The following LCAT variants were observed in gnomAD, a reference collection of about 807,000 sequenced individuals.
LCAT encodes phosphatidylcholine-sterol acyltransferase.
In LCAT, 15 loss-of-function variants were observed where a neutral mutation model predicts 41.0. That is an observed-to-expected ratio of 0.37 (90% CI 0.24 to 0.56). The LOEUF (loss-of-function observed/expected upper bound fraction) is 0.56. LCAT is among the 20% of genes least tolerant of loss of function. The pLI is 0.81. For missense variants in LCAT, 449 were observed against 595.1 expected (o/e 0.75, Z 2.55); for synonymous variants, 248 against 245.4 (o/e 1.01, Z -0.10).
chr16:67,940,646 C>T (rs1191129093), intron 5 of LCAT, 168 bp from the exon 6 acceptor site: 15 of 1,180,930 alleles, frequency 1.3e-5, no homozygotes, highest in Admixed American at 7.8e-5. Flanking sequence ...TGCTCAGTGT[C>T]AGCTTACTCA....
Position 67,942,722 on chromosome 16 carries a change from C to T in LCAT, c.472G>A (p.Val158Met), listed in dbSNP as rs761032474. ...GCGGCGCGCACAGTCTCGTCCCGCA[C>T]GTAGCCATTGTTGACCAGGTTCTGC... is the stretch of plus-strand genomic sequence containing the variant. ...LVQNLVNNGY[V>M]RDETVRAAPY... The change falls in exon 4 of 6, where the codon GTG becomes ATG. Residue 158 changes from valine to methionine, a missense_variant. By Grantham distance (21) the Val-to-Met change is conservative. Transcript: ENST00000264005. This position sits in a 1 kb window ranked among gnomAD's most constrained non-coding sequence, Gnocchi z 6.6. 65 of 1,612,740 alleles carry T rather than the reference C, an allele frequency of 4.0e-5. No homozygotes were observed. The Admixed American group carries it at 7.2e-4, about 18-fold the overall frequency.
Position 67,943,807 on chromosome 16 carries a change from G to T in LCAT, c.154+141C>A. On this transcript the variant is annotated intron_variant, in intron 1 of 5. Coordinates refer to ENST00000264005, the MANE Select transcript of LCAT (RefSeq NM_000229.2). This position sits in a 1 kb window ranked among gnomAD's most constrained non-coding sequence, Gnocchi z 4.6. ...TCATTCCTCTAAGGGACAAGCTTTT[G>T]GCCCCTCCCCACACCAGGGCAGGTA... 1.3e-6 allele frequency: 1 copy of T among 759,692 alleles called. No homozygotes were observed. Among genetic ancestry groups the T allele is most frequent in the Non-Finnish European group, 2.1e-6 (1 of 476,974 alleles). The allele number at this position is 759,692 out of a possible 1,614,324, so 47.1% of individuals were successfully genotyped here. A position where few individuals can be genotyped will look rare whatever the true frequency, so the allele number is the denominator to read the frequency against.
chr16:67,941,974 C>T (rs1303540993), intron 5 of LCAT: 11 of 1,193,380 alleles, frequency 9.2e-6, no homozygotes, highest in Non-Finnish European at 1.2e-5. Flanking sequence ...CAGGTGGGGC[C>T]TCGGGGGGTC....
chr16:67,942,620 G>C lies in LCAT; in HGVS notation c.524-33C>G. 1.9e-6 allele frequency: 3 copies of C among 1,612,650 alleles called. No homozygotes were observed. The highest frequency in any genetic ancestry group is 2.5e-6 in the Non-Finnish European group (3 of 1,179,672). On this transcript the variant is annotated intron_variant, in intron 4 of 5. Coordinates refer to ENST00000264005, the MANE Select transcript of LCAT (RefSeq NM_000229.2). The surrounding 1 kb of genome is among the most constrained non-coding windows in gnomAD (Gnocchi z 6.6). Reference sequence around the variant, plus strand: ...GGGTGGAAGGGGTCAGGGCAGCTGGGGTCTGGGGCACCTGCCCCACCCCAA... The same window carrying C: ...GGGTGGAAGGGGTCAGGGCAGCTGGCGTCTGGGGCACCTGCCCCACCCCAA...
chr16:67,939,791 G>T lies in LCAT; in HGVS notation c.*113C>A. The stretch of plus-strand genomic sequence containing the variant: ...TCAGCAGAGCCCATCTTGCCTCACT[G>T]CACACAGCACTGAGCCTGTGGCTGG... On this transcript the variant is annotated 3_prime_UTR_variant, in exon 6 of 6. Coordinates refer to ENST00000264005, the MANE Select transcript of LCAT (RefSeq NM_000229.2). The T allele has an allele frequency of 6.6e-7, 1 of 1,526,630 alleles. No homozygotes were observed. Among genetic ancestry groups the T allele is most frequent in the Non-Finnish European group, 8.8e-7 (1 of 1,131,978 alleles). The allele number at this position is 1,526,630 out of a possible 1,614,324, so 94.6% of individuals were successfully genotyped here.
chr16:67,940,943 T>C (rs1453543688), intron 5 of LCAT: 1 of 190,106 alleles, frequency 5.3e-6, no homozygotes, highest in African/African-American at 2.4e-5. Flanking sequence ...AATTTGAGGT[T>C]ACAGTAAACT....
chr16:67,942,257 G>T lies in LCAT; in HGVS notation c.748+106C>A. 1 of 1,342,260 alleles carries T rather than the reference G, an allele frequency of 7.5e-7. No homozygotes were observed. The highest frequency in any genetic ancestry group is 1.0e-6 in the Non-Finnish European group (1 of 956,180). 83.1% of individuals were successfully genotyped at this position (1,342,260 alleles called of 1,614,324 possible). ...CAAGCATGCCAGCCCAGGAGTGGTA[G>T]ATAGCACCCCTAGAGGCCACTGTGA... is the stretch of plus-strand genomic sequence containing the variant. On this transcript the variant is annotated intron_variant, in intron 5 of 5. Transcript: ENST00000264005. The surrounding 1 kb of genome is among the most constrained non-coding windows in gnomAD (Gnocchi z 6.6).
In LCAT at chr16:67,943,423, G is replaced by A. The variant is rs1790107181; in HGVS notation, c.155-211C>T. 5.0e-6 allele frequency: 3 copies of A among 603,620 alleles called. No homozygotes were observed. The highest frequency in any genetic ancestry group is 2.5e-5 in the Admixed American group (1 of 40,512). 37.4% of individuals were successfully genotyped at this position (603,620 alleles called of 1,614,324 possible). A position where few individuals can be genotyped will look rare whatever the true frequency, so the allele number is the denominator to read the frequency against. ...CAGGCTTCCCTGAGGAAGGGAAGGC[G>A]CTGAGGTGCTGAGGCCAAGGCCGCT... On this transcript the variant is annotated intron_variant, in intron 1 of 5. Transcript: ENST00000264005. The surrounding 1 kb of genome is among the most constrained non-coding windows in gnomAD (Gnocchi z 4.6).
rs1164956781 is a variant in LCAT, at chr16:67,940,119, C to T, written c.1108G>A (p.Asp370Asn). Residue 370 changes from aspartate to asparagine, a missense_variant, in exon 6 of 6, where the codon GAC becomes AAC. By Grantham distance (23) the Asp-to-Asn change is conservative. Transcript: ENST00000264005. ...TCGGTGCTGCGGGTCGCCACCGTGTCATCACCATCCTCATAGAGCACACCC... is the reference window on the plus strand; with the variant it reads ...TCGGTGCTGCGGGTCGCCACCGTGTTATCACCATCCTCATAGAGCACACCC... ...PVGVLYEDGDDTVATRSTELC... is the reference protein window; with the variant it reads ...PVGVLYEDGDNTVATRSTELC... The T allele has an allele frequency of 3.7e-6, 6 of 1,613,434 alleles. No homozygotes were observed. The South Asian group carries it at 6.6e-5, about 18-fold the overall frequency.
Position 67,940,195 on chromosome 16 carries a change from GGGCAGGCCCAC to G in LCAT, c.1021_1031del (p.Val341HisfsTer22). 6.2e-7 allele frequency: 1 copy of G among 1,612,610 alleles called. No homozygotes were observed. The highest frequency in any genetic ancestry group is 8.5e-7 in the Non-Finnish European group (1 of 1,179,870). ...GGTCGTAGATGTAGGTGCGGGGCGT[GGGCAGGCCCAC>G]GCCGTAAAGACAGTATACTTCCACA... On this transcript the variant is annotated frameshift_variant, in exon 6 of 6. Coordinates refer to ENST00000264005, the MANE Select transcript of LCAT (RefSeq NM_000229.2). LOFTEE classifies it high-confidence loss of function.
rs903983937 is a variant in LCAT at position 67,942,027 on chromosome 16, C to T, written c.748+336G>A. 2 of 1,237,136 alleles carry T rather than the reference C, an allele frequency of 1.6e-6. No individual in the cohort carries two copies. Among genetic ancestry groups the T allele is most frequent in the African/African-American group, 1.6e-5 (1 of 64,376 alleles). The allele number at this position is 1,237,136 out of a possible 1,614,324, so 76.6% of individuals were successfully genotyped here. On this transcript the variant is annotated intron_variant, in intron 5 of 5. Transcript: ENST00000264005. This position sits in a 1 kb window ranked among gnomAD's most constrained non-coding sequence, Gnocchi z 6.6. ...GATCCATCCTCAGTGAAGCACATCC[C>T]TGGGCAAAGGCACTCCTGCGAGCAA...
At position 67,942,305 on chromosome 16, in the gene LCAT, G is replaced by T; in HGVS notation, c.748+58C>A. 2 of 1,561,360 alleles carry T rather than the reference G, an allele frequency of 1.3e-6. No individual in the cohort carries two copies. Among genetic ancestry groups the T allele is most frequent in the African/African-American group, 1.4e-5 (1 of 74,056 alleles). On this transcript the variant is annotated intron_variant, in intron 5 of 5. Transcript: ENST00000264005. The surrounding 1 kb of genome is among the most constrained non-coding windows in gnomAD (Gnocchi z 6.6). ...TGAGCAGGAGCCGCAATGAAGGCAG[G>T]CCCAGGATCAGCTTGGTCTCACCCA...
In LCAT at chr16:67,943,796, G is replaced by T; in HGVS notation, c.154+152C>A. On this transcript the variant is annotated intron_variant, in intron 1 of 5. Coordinates refer to ENST00000264005, the MANE Select transcript of LCAT (RefSeq NM_000229.2). The surrounding 1 kb of genome is among the most constrained non-coding windows in gnomAD (Gnocchi z 4.6). Reference sequence around the variant, plus strand: ...GAGAAGGGACGTCATTCCTCTAAGGGACAAGCTTTTGGCCCCTCCCCACAC... The same window carrying T: ...GAGAAGGGACGTCATTCCTCTAAGGTACAAGCTTTTGGCCCCTCCCCACAC... The T allele has an allele frequency of 1.4e-6, 1 of 711,676 alleles. No homozygotes were observed. Among genetic ancestry groups the T allele is most frequent in the South Asian group, 2.0e-5 (1 of 49,038 alleles). 44.1% of individuals were successfully genotyped at this position (711,676 alleles called of 1,614,324 possible).
chr16:67,942,585 G>A lies in LCAT; in HGVS notation c.526C>T (p.Gln176Ter). The A allele has an allele frequency of 6.2e-7, 1 of 1,613,278 alleles. No individual in the cohort carries two copies. The highest frequency in any genetic ancestry group is 1.1e-5 in the South Asian group (1 of 91,088). ...AGCTTGCGGTAGTACTCCTCCTGCTGGCCTGCAGCGGGTGGAAGGGGTCAG... is the reference window on the plus strand; with the variant it reads ...AGCTTGCGGTAGTACTCCTCCTGCTAGCCTGCAGCGGGTGGAAGGGGTCAG... ...APYDWRLEPG[Q>*]QEEYYRKLAG... Residue 176 changes from glutamine to a stop codon, truncating the protein, a stop_gained and splice_region_variant, in exon 5 of 6, where the codon CAG becomes TAG. Coordinates refer to ENST00000264005, the MANE Select transcript of LCAT (RefSeq NM_000229.2). LOFTEE classifies it high-confidence loss of function. This position sits in a 1 kb window ranked among gnomAD's most constrained non-coding sequence, Gnocchi z 6.6.
At chr16:67,940,565 T>G (rs2058286506) in intron 5 of LCAT, 87 bp from the exon 6 acceptor site, 1 of 1,569,450 alleles carries the variant, frequency 6.4e-7, no homozygotes, top group Non-Finnish European at 8.6e-7. Flanking sequence ...AGCCAGATGC[T>G]CAATCTTGTC....
chr16:67,942,308 C>T lies in LCAT; in HGVS notation c.748+55G>A. 3.8e-6 allele frequency: 6 copies of T among 1,571,340 alleles called. No homozygotes were observed. In the East Asian group the frequency reaches 1.1e-4, roughly 29 times the overall value. ...GCAGGAGCCGCAATGAAGGCAGGCC[C>T]AGGATCAGCTTGGTCTCACCCATCG... On this transcript the variant is annotated intron_variant, in intron 5 of 5. Coordinates refer to ENST00000264005, the MANE Select transcript of LCAT (RefSeq NM_000229.2). This position sits in a 1 kb window ranked among gnomAD's most constrained non-coding sequence, Gnocchi z 6.6.
rs538047729 is a variant in LCAT, at chr16:67,943,165, C to G, written c.202G>C (p.Asp68His). The change falls in exon 2 of 6, where the codon GAT becomes CAT. Residue 68 changes from aspartate (D) to histidine (H), a missense_variant. By Grantham distance (81) the Asp-to-His change is moderately conservative. Transcript: ENST00000264005. The surrounding 1 kb of genome is among the most constrained non-coding windows in gnomAD (Gnocchi z 4.6). ...CGGTAGCACATCCAGTTCACCACAT[C>G]TGGTTTGTCCAGCTTGGCTTCTAGC... is the stretch of plus-strand genomic sequence containing the variant. Reference protein sequence around the residue: ...NQLEAKLDKPDVVNWMCYRKT... With the variant: ...NQLEAKLDKPHVVNWMCYRKT... 1.2e-6 allele frequency: 2 copies of G among 1,613,918 alleles called. No homozygotes were observed. Among genetic ancestry groups the G allele is most frequent in the African/African-American group, 2.7e-5 (2 of 75,008 alleles).
At position 67,943,732 on chromosome 16, in the gene LCAT, C is replaced by A. The variant is rs1015784357; in HGVS notation, c.154+216G>T. ...AGGCACACCCCGTCCCCCACTCCGC[C>A]CCCCCTGGGTTAGACAACTGAGAGT... On this transcript the variant is annotated intron_variant, in intron 1 of 5. Coordinates refer to ENST00000264005, the MANE Select transcript of LCAT (RefSeq NM_000229.2). The surrounding 1 kb of genome is among the most constrained non-coding windows in gnomAD (Gnocchi z 4.6). The A allele has an allele frequency of 2.8e-5, 16 of 580,048 alleles. No individual in the cohort carries two copies. The highest frequency in any genetic ancestry group is 3.3e-5 in the Non-Finnish European group (11 of 331,958). 35.9% of individuals were successfully genotyped at this position (580,048 alleles called of 1,614,324 possible). A position where few individuals can be genotyped will look rare whatever the true frequency, so the allele number is the denominator to read the frequency against.
At chr16:67,941,767 A>G (rs1471741642) in intron 5 of LCAT, 5 of 1,014,624 alleles carry the variant, frequency 4.9e-6, no homozygotes, top group South Asian at 8.0e-5. Context: ...TTATGCAGCA[A>G]TGGGGGCCAC....
Sources: allele counts gnomAD v4.1 joint callset, GRCh38; gene constraint gnomAD v4.1.1; non-coding constraint Gnocchi (gnomAD v3.1); transcripts MANE v1.5; gene names NCBI Gene and HGNC (gene_info 2026-07-23, HGNC 2026-07-21).